The following RANBP2 variants were observed in gnomAD, a reference collection of about 807,000 sequenced individuals.
RANBP2 encodes the protein E3 SUMO-protein ligase RanBP2.
In RANBP2, 57 loss-of-function variants were observed where a neutral mutation model predicts 303.6. That is an observed-to-expected ratio of 0.19 (90% confidence interval 0.15 to 0.23). The LOEUF (loss-of-function observed/expected upper bound fraction) is 0.23. Among genes scored for constraint, RANBP2 ranks in the 10% least tolerant of loss-of-function variants. The pLI, the probability that RANBP2 is intolerant of heterozygous loss-of-function variation, is 1.00. For synonymous variants in RANBP2, 1,167 were observed against 1,301.5 expected, an observed-to-expected ratio of 0.90 and a Z score of 2.23; for missense variants, 3,138 against 3,780.8, an observed-to-expected ratio of 0.83 and a Z score of 4.46.
At chr2:108,755,827 G>A (rs1227215881) in intron 17 of RANBP2, among the ~76,000 whole-genome samples, 2 of 149,716 alleles carry the variant, frequency 1.3e-5, no homozygotes, top group East Asian at 2.0e-4. Context: ...AGGTTCAAGC[G>A]ACTCTCCTGC....
chr2:108,926,030 G>A, the RANBP2 span, among the ~76,000 whole-genome samples: 8 of 152,164 alleles, frequency 5.3e-5, no homozygotes, highest in East Asian at 1.9e-4. Flanking sequence ...TTTCTAGCAC[G>A]TATTGCTGCA....
the RANBP2 span, among the ~76,000 whole-genome samples, chr2:109,149,419 C>G: frequency 6.6e-6 from 1 of 152,220 alleles, no homozygotes; most frequent in Non-Finnish European, 1.5e-5. Flanking sequence ...CATTGACAGT[C>G]ATTTGCACTT....
At chr2:109,655,145 C>G in the RANBP2 span, among the ~76,000 whole-genome samples, 1 of 152,170 alleles carries the variant, frequency 6.6e-6, no homozygotes, top group Non-Finnish European at 1.5e-5. Flanking sequence ...TCTTGATCCA[C>G]CCGCCTCAGC....
the RANBP2 span, among the ~76,000 whole-genome samples, chr2:109,678,255 G>A: frequency 3.0e-4 from 45 of 152,208 alleles, no homozygotes; most frequent in African/African-American, 1.0e-3. Flanking sequence ...CAAAAAATAC[G>A]GAGGATCCCC....
At chr2:109,041,125 G>C in the RANBP2 span, among the ~76,000 whole-genome samples, 3 of 152,074 alleles carry the variant, frequency 2.0e-5, no homozygotes, top group Non-Finnish European at 4.4e-5. Context: ...GTTGTTTACT[G>C]GTATATATAA....
the RANBP2 span, among the ~76,000 whole-genome samples, chr2:109,073,681 AAGAG>A: frequency 4.7e-5 from 7 of 150,336 alleles, no homozygotes; most frequent in African/African-American, 9.7e-5. Context: ...AAGAAAAAAA[AAGAG>A]AGAGAGAAGA....
the RANBP2 span, among the ~76,000 whole-genome samples, chr2:109,275,966 C>A: frequency 1.3e-5 from 2 of 152,174 alleles, no homozygotes; most frequent in African/African-American, 4.8e-5. Context: ...ACGTCATGTG[C>A]AGCTGGGTGA....
the RANBP2 span, among the ~76,000 whole-genome samples, chr2:109,485,066 G>C: frequency 3.9e-5 from 6 of 152,244 alleles, 1 homozygote; most frequent in Admixed American, 3.3e-4. Context: ...GCAGGGTTCT[G>C]CAGATTGAGG....
the RANBP2 span, among the ~76,000 whole-genome samples, chr2:108,954,820 C>T: frequency 3.3e-5 from 5 of 152,128 alleles, no homozygotes; most frequent in South Asian, 4.2e-4. Context: ...GTATTACAGG[C>T]GCCCGCCACC....
At chr2:109,166,409 G>A in the RANBP2 span, among the ~76,000 whole-genome samples, 1 of 151,516 alleles carries the variant, frequency 6.6e-6, no homozygotes, top group East Asian at 1.9e-4. Context: ...CGTGGGAGGC[G>A]GAGGTTGTGG....
the RANBP2 span, among the ~76,000 whole-genome samples, chr2:109,041,741 A>G: frequency 8.0e-6 from 1 of 125,352 alleles, no homozygotes; most frequent in African/African-American, 3.2e-5. Context: ...GGGTTTCACC[A>G]TGTTGGTCAG....
the RANBP2 span, among the ~76,000 whole-genome samples, chr2:109,697,252 G>A: frequency 5.3e-5 from 8 of 152,186 alleles, no homozygotes; most frequent in Non-Finnish European, 8.8e-5. Flanking sequence ...CACTGTGGGA[G>A]GCCGAGGTGG....
the RANBP2 span, chr2:108,910,761 C>A: frequency 6.2e-7 from 1 of 1,612,442 alleles, no homozygotes; most frequent in Non-Finnish European, 8.5e-7. Context: ...TGTGTGGAAG[C>A]CCTGGTTCAC....
At chr2:109,149,671 C>T in the RANBP2 span, among the ~76,000 whole-genome samples, 2 of 152,188 alleles carry the variant, frequency 1.3e-5, no homozygotes, top group African/African-American at 4.8e-5. Context: ...TCTGTGGCAG[C>T]AGCAACGTTG....
At chr2:108,912,529 G>C in the RANBP2 span, 1 of 763,092 alleles carries the variant, frequency 1.3e-6, no homozygotes, top group African/African-American at 1.7e-5. Flanking sequence ...TGCACGGGGG[G>C]CAACATGTCA....
At chr2:108,854,416 C>G in the RANBP2 span, among the ~76,000 whole-genome samples, 3 of 151,776 alleles carry the variant, frequency 2.0e-5, no homozygotes, top group African/African-American at 7.3e-5. Flanking sequence ...TTTACTATTT[C>G]CACTACAATT....
the RANBP2 span, among the ~76,000 whole-genome samples, chr2:109,012,485 G>C: frequency 6.9e-6 from 1 of 144,066 alleles, no homozygotes; most frequent in Non-Finnish European, 1.5e-5. Flanking sequence ...CAGAAGGAAC[G>C]GCGGAGAGGG....
At chr2:109,239,688 T>C in the RANBP2 span, among the ~76,000 whole-genome samples, 2 of 151,918 alleles carry the variant, frequency 1.3e-5, no homozygotes, top group Non-Finnish European at 2.9e-5. Flanking sequence ...GGTGGAGTAA[T>C]AGATTTTAGG....
the RANBP2 span, among the ~76,000 whole-genome samples, chr2:108,921,061 G>A: frequency 6.5e-4 from 99 of 152,328 alleles, no homozygotes; most frequent in East Asian, 3.5e-3. Context: ...CAAGCAATTC[G>A]AGTCATAAGA....
Sources: gnomAD v4.1 joint callset for allele counts (sites outside exome capture counted in the v4.1 genomes callset) on GRCh38, gnomAD v4.1.1 for gene constraint, MANE v1.5 for transcripts, NCBI Gene and HGNC (gene_info 2026-07-23, HGNC 2026-07-21) for gene names.